FOXN3: variants seen among roughly 807,000 people sequenced by gnomAD.
The protein encoded by FOXN3 is forkhead box N3.
In FOXN3, 7 loss-of-function variants were observed where a neutral mutation model predicts 38.4. The observed-to-expected ratio is 0.18, with a 90% confidence interval of 0.10 to 0.34. The LOEUF (loss-of-function observed/expected upper bound fraction) is 0.34. Among genes scored for constraint, FOXN3 ranks in the 10% least tolerant of loss-of-function variants. The pLI is 1.00. For synonymous variants in FOXN3, 230 were observed against 242.2 expected, an observed-to-expected ratio of 0.95 and a Z score of 0.47; for missense variants, 456 against 613.4, an observed-to-expected ratio of 0.74 and a Z score of 2.71.
chr14:89,514,989 G>A (rs1358822018), intron 1 of FOXN3, among the ~76,000 whole-genome samples: 2 of 151,332 alleles, frequency 1.3e-5, no homozygotes, highest in South Asian at 4.2e-4. Flanking sequence ...GCACAATCTC[G>A]GCTCATTGCA....
At chr14:89,500,109 T>A (rs1263633599) in intron 1 of FOXN3, among the ~76,000 whole-genome samples, 1 of 152,158 alleles carries the variant, frequency 6.6e-6, no homozygotes, top group Non-Finnish European at 1.5e-5. Context: ...TGCCTCGGCC[T>A]CCCAAAGTGC....
chr14:89,456,051 A>AGGCATGGT (rs1260439737), intron 1 of FOXN3, among the ~76,000 whole-genome samples: 1 of 152,026 alleles, frequency 6.6e-6, no homozygotes, highest in Non-Finnish European at 1.5e-5. Context: ...AAAATTAGCC[A>AGGCATGGT]GGCATGGTGG....
rs142879301 is a variant in FOXN3, at chr14:89,372,216, C to T, written c.544-21408G>A. ...CAATCAGGCAGGAAAAAAAAATATGCCACCGAAACTACCATAATAATTTAC... is the reference window on the plus strand; with the variant it reads ...CAATCAGGCAGGAAAAAAAAATATGTCACCGAAACTACCATAATAATTTAC... On this transcript the variant is annotated intron_variant, in intron 2 of 5. Transcript: ENST00000557258. Among the ~76,000 whole-genome samples, 21 of 152,178 alleles carry T rather than the reference C, an allele frequency of 1.4e-4. No homozygotes were observed. In the East Asian group the frequency reaches 2.9e-3, roughly 21 times the overall value.
At chr14:89,452,918 G>C (rs199796634) in intron 1 of FOXN3, among the ~76,000 whole-genome samples, 2 of 152,236 alleles carry the variant, frequency 1.3e-5, no homozygotes, top group East Asian at 1.9e-4. Flanking sequence ...GAACTTAAAG[G>C]CCGGGCACGG....
At chr14:89,303,318 C>T (rs1887275655) in intron 3 of FOXN3, among the ~76,000 whole-genome samples, 1 of 152,018 alleles carries the variant, frequency 6.6e-6, no homozygotes, top group Non-Finnish European at 1.5e-5. Context: ...CTTCCTGCCT[C>T]CCTCCATGCT....
At chr14:89,360,230 G>C (rs1400185537) in intron 2 of FOXN3, among the ~76,000 whole-genome samples, 1 of 151,984 alleles carries the variant, frequency 6.6e-6, no homozygotes, top group Non-Finnish European at 1.5e-5. Context: ...CAACTCCTCA[G>C]GGCCCAGCTG....
intron 2 of FOXN3, among the ~76,000 whole-genome samples, chr14:89,397,872 A>C (rs1435985832): frequency 1.3e-5 from 2 of 152,222 alleles, no homozygotes; most frequent in African/African-American, 4.8e-5. Flanking sequence ...ACATGACTCC[A>C]AACAGCACCC....
At chr14:89,388,257 A>G (rs2140074170) in intron 2 of FOXN3, among the ~76,000 whole-genome samples, 1 of 152,352 alleles carries the variant, frequency 6.6e-6, no homozygotes, top group South Asian at 2.1e-4. Context: ...ATGAGAACTC[A>G]CTTCCATGGA....
chr14:89,318,512 G>A (rs576012422), intron 3 of FOXN3, among the ~76,000 whole-genome samples: 11 of 152,268 alleles, frequency 7.2e-5, no homozygotes, highest in African/African-American at 2.6e-4. Flanking sequence ...AAAAGCTACA[G>A]CCAGGCACAA....
Position 89,511,255 on chromosome 14 carries a change from C to CT in FOXN3, c.-14-98766dup, listed in dbSNP as rs1427377683. Among the ~76,000 whole-genome samples the CT allele has an allele frequency of 2.7e-3, 71 of 26,228 alleles. 8 individuals carry two copies. Among genetic ancestry groups the CT allele is most frequent in the African/African-American group, 7.5e-3 (59 of 7,912 alleles). 17.2% of individuals were successfully genotyped at this position (26,228 alleles called of 152,430 possible). ...TTCTTTCCTTTTCTTTCTTTTCTTT[C>CT]TTTCTTTCTTTCTTTCTTTCTTTCT... On this transcript the variant is annotated intron_variant, in intron 1 of 6. Transcript: ENST00000345097.
At chr14:89,180,146 GA>G (rs996104964) in intron 5 of FOXN3, among the ~76,000 whole-genome samples, 1 of 152,258 alleles carries the variant, frequency 6.6e-6, no homozygotes, top group Non-Finnish European at 1.5e-5. Context: ...ATGGAGGAGA[GA>G]AATGTCCCAA....
At chr14:89,401,352 G>A (rs578033469) in intron 2 of FOXN3, among the ~76,000 whole-genome samples, 1 of 152,306 alleles carries the variant, frequency 6.6e-6, no homozygotes, top group African/African-American at 2.4e-5. Context: ...TGAGGCAGAA[G>A]AATCACTTGA....
At chr14:89,395,008 A>G (rs1430715103) in intron 2 of FOXN3, among the ~76,000 whole-genome samples, 1 of 152,212 alleles carries the variant, frequency 6.6e-6, no homozygotes, top group Non-Finnish European at 1.5e-5. Context: ...AATTATGAGG[A>G]CAGGATTTTA....
At chr14:89,411,736 C>T (rs1409952247) in intron 2 of FOXN3, among the ~76,000 whole-genome samples, 198 bp downstream of exon 2, 1 of 152,052 alleles carries the variant, frequency 6.6e-6, no homozygotes, top group African/African-American at 2.4e-5. Flanking sequence ...TCAAATAGTA[C>T]AAATGCTAAT....
chr14:89,269,965 C>T (rs1287174451), intron 4 of FOXN3, among the ~76,000 whole-genome samples: 1 of 152,152 alleles, frequency 6.6e-6, no homozygotes, highest in Non-Finnish European at 1.5e-5. Flanking sequence ...CCTTTCTGAA[C>T]AAATCTTTTC....
intron 4 of FOXN3, among the ~76,000 whole-genome samples, chr14:89,219,553 T>C (rs913711375): frequency 3.9e-5 from 6 of 152,262 alleles, no homozygotes; most frequent in Admixed American, 6.5e-5. Context: ...CCCGAGAGCA[T>C]GGCACCACAT....
In FOXN3 at chr14:89,256,428, A is replaced by C. The variant is rs145775720; in HGVS notation, c.745+24522T>G. Among the ~76,000 whole-genome samples, 185 of 152,304 alleles carry C rather than the reference A, an allele frequency of 1.2e-3. 1 individual carries two copies. Among genetic ancestry groups the C allele is most frequent in the African/African-American group, 4.2e-3 (173 of 41,570 alleles). On this transcript the variant is annotated intron_variant, in intron 4 of 5. Coordinates refer to ENST00000557258, the MANE Select transcript of FOXN3 (RefSeq NM_005197.4). ...CTTTGAGGACCTACGGTCACGCCAC[A>C]TTCCACAAGGCCAGGACAAACAGGC...
intron 1 of FOXN3, among the ~76,000 whole-genome samples, chr14:89,546,256 A>G (rs1412405525): frequency 1.3e-5 from 2 of 151,804 alleles, no homozygotes; most frequent in South Asian, 2.1e-4. Flanking sequence ...AGAATTATTC[A>G]GTAAGGAGAA....
At chr14:89,327,081 G>C (rs1366766100) in intron 3 of FOXN3, among the ~76,000 whole-genome samples, 1 of 151,980 alleles carries the variant, frequency 6.6e-6, no homozygotes, top group Non-Finnish European at 1.5e-5. Flanking sequence ...AAGAGAAAAA[G>C]CACATGTACA....
Sources: gnomAD v4.1 joint callset for allele counts (sites outside exome capture counted in the v4.1 genomes callset) on GRCh38, gnomAD v4.1.1 for gene constraint, MANE v1.5 for transcripts, NCBI Gene and HGNC (gene_info 2026-07-23, HGNC 2026-07-21) for gene names.